The following ZFP82 variants were observed in gnomAD, a reference collection of about 807,000 sequenced individuals.
The protein encoded by ZFP82 is zinc finger protein 82 homolog.
ZFP82 carries 30 observed loss-of-function variants against 54.0 expected under a neutral mutation model. The observed-to-expected ratio is 0.56, with a 90% confidence interval of 0.42 to 0.75. The LOEUF (loss-of-function observed/expected upper bound fraction) is 0.75. ZFP82 is among the 30% of genes least tolerant of loss of function. The pLI, the probability that ZFP82 is intolerant of heterozygous loss-of-function variation, is 0.00. For synonymous variants in ZFP82, 194 were observed against 209.5 expected, an observed-to-expected ratio of 0.93 and a Z score of 0.64; for missense variants, 500 against 636.8, an observed-to-expected ratio of 0.79 and a Z score of 2.31.
downstream of ZFP82, among the ~76,000 whole-genome samples, chr19:36,387,692 A>ACTGCAACCTCCACCTCC (rs1340536437): frequency 6.6e-6 from 1 of 152,192 alleles, no homozygotes; most frequent in Non-Finnish European, 1.5e-5. Flanking sequence ...ATCTCAGCTC[A>ACTGCAACCTCCACCTCC]CTGCAACCTC....
rs778569498 is a variant in ZFP82 at position 36,407,903 on chromosome 19, G to A, written c.120C>T (p.Ser40=). 5 of 1,613,928 alleles carry A rather than the reference G, an allele frequency of 3.1e-6. No individual in the cohort carries two copies. The African/African-American group carries it at 6.7e-5, about 22-fold the overall frequency. ...LYRDVMLENY[S]NLVSLGCFIS... ...TAACCTTACCCAGTGAGACCAAGTT[G>A]CTGTAGTTCTCCAACATGACATCTC... The change falls in exon 3 of 5, where the codon AGC becomes AGT. Residue 40 remains serine (S), a synonymous_variant. Transcript: ENST00000392161.
At chr19:36,418,352 A>T (rs2032708335) in intron 1 of ZFP82, 140 bp downstream of exon 1, 1 of 152,288 alleles carries the variant, frequency 6.6e-6, no homozygotes, top group Non-Finnish European at 1.5e-5. Context: ...ACCTTCGCTC[A>T]TACAATAGTC....
intron 1 of ZFP82, among the ~76,000 whole-genome samples, chr19:36,415,319 G>A (rs778871992): frequency 1.3e-5 from 2 of 152,198 alleles, no homozygotes; most frequent in Non-Finnish European, 2.9e-5. Context: ...GAGTGAAGAT[G>A]ACTGGGTGGT....
intron 3 of ZFP82, 24 bp downstream of exon 3, chr19:36,407,863 A>T (rs750919973): frequency 3.7e-6 from 6 of 1,609,490 alleles, no homozygotes; most frequent in African/African-American, 1.3e-5. Flanking sequence ...CACAGTCTAA[A>T]TTCCTAGAAG....
intron 4 of ZFP82, among the ~76,000 whole-genome samples, chr19:36,404,528 G>A (rs2032447397): frequency 6.6e-6 from 1 of 152,150 alleles, no homozygotes; most frequent in Non-Finnish European, 1.5e-5. Context: ...ACAGATCATG[G>A]ACTTGTGTCC....
chr19:36,418,075 C>T (rs2032703711), intron 1 of ZFP82, among the ~76,000 whole-genome samples: 1 of 152,026 alleles, frequency 6.6e-6, no homozygotes, highest in African/African-American at 2.4e-5. Flanking sequence ...GCCATCACAC[C>T]CGGCTCATTT....
downstream of ZFP82, among the ~76,000 whole-genome samples, chr19:36,386,609 T>C (rs926306457): frequency 3.3e-5 from 5 of 152,182 alleles, no homozygotes; most frequent in East Asian, 1.9e-4. Flanking sequence ...AAGTAGGTCA[T>C]AGAGTTAAGG....
chr19:36,397,372 C>A (rs1052964739), intron 4 of ZFP82, among the ~76,000 whole-genome samples: 3 of 151,856 alleles, frequency 2.0e-5, no homozygotes, highest in Admixed American at 6.6e-5. Context: ...GGATTACAGG[C>A]GTGAGCCACC....
chr19:36,410,011 A>C, intron 1 of ZFP82, 144 bp from the exon 2 acceptor site: 1 of 471,622 alleles, frequency 2.1e-6, no homozygotes, highest in South Asian at 3.4e-5. Context: ...ACATAGGCAG[A>C]GAGAGAGAGA....
rs1231374681 is a variant in ZFP82 at position 36,389,786 on chromosome 19, C to T, written c.*2955G>A. On this transcript the variant is annotated 3_prime_UTR_variant, in exon 5 of 5. Transcript: ENST00000392161. Reference sequence around the variant, plus strand: ...GGGCCTTGATCCTGGATAGGCTGCCCCTCCCAGGGCAAGCTAATGCATAGA... The same window carrying T: ...GGGCCTTGATCCTGGATAGGCTGCCTCTCCCAGGGCAAGCTAATGCATAGA... Among the ~76,000 whole-genome samples, 3 of 152,098 alleles carry T rather than the reference C, an allele frequency of 2.0e-5. No homozygotes were observed.
At chr19:36,387,271 C>A (rs1365439122), downstream of ZFP82, among the ~76,000 whole-genome samples, 1 of 152,130 alleles carries the variant, frequency 6.6e-6, no homozygotes, top group African/African-American at 2.4e-5. Flanking sequence ...GCCAGAGAAG[C>A]CACGCTATAG....
intron 1 of ZFP82, among the ~76,000 whole-genome samples, chr19:36,410,687 G>C (rs2032564438): frequency 6.6e-6 from 1 of 151,848 alleles, no homozygotes; most frequent in Non-Finnish European, 1.5e-5. Context: ...ATTTTTAGTA[G>C]AGACCAGGTT....
At chr19:36,408,974 T>G (rs1032198219) in intron 2 of ZFP82, among the ~76,000 whole-genome samples, 8 of 152,322 alleles carry the variant, frequency 5.3e-5, no homozygotes, top group Middle Eastern at 3.4e-3. Flanking sequence ...CTGGATTACC[T>G]TCTCACATGC....
At chr19:36,413,901 T>A (rs1452877293) in intron 1 of ZFP82, among the ~76,000 whole-genome samples, 3 of 57,812 alleles carry the variant, frequency 5.2e-5, no homozygotes, top group Non-Finnish European at 3.9e-5. Context: ...TCTTCAATAA[T>A]TTTTTTTTTT....
At chr19:36,399,120 T>G (rs1270488086) in intron 4 of ZFP82, among the ~76,000 whole-genome samples, 2 of 152,130 alleles carry the variant, frequency 1.3e-5, no homozygotes, top group South Asian at 4.1e-4. Context: ...ACAATATCCT[T>G]TGAATATACA....
chr19:36,413,064 G>C (rs181536449), intron 1 of ZFP82, among the ~76,000 whole-genome samples: 4 of 152,216 alleles, frequency 2.6e-5, no homozygotes, highest in African/African-American at 4.8e-5. Flanking sequence ...GGAATTTATC[G>C]TTAGGAAATA....
rs2032215214 is a variant in ZFP82, at chr19:36,392,437, C to G, written c.*304G>C. ...TGAAAGTGTGTCAAACTGCTGCACT[C>G]TTATATGACCATGTCATAAATTAAA... On this transcript the variant is annotated 3_prime_UTR_variant, in exon 5 of 5. Transcript: ENST00000392161. 1 of 250,028 alleles carries G rather than the reference C, an allele frequency of 4.0e-6. No individual in the cohort carries two copies. The highest frequency in any genetic ancestry group is 4.9e-5 in the Admixed American group (1 of 20,518). 15.5% of individuals were successfully genotyped at this position (250,028 alleles called of 1,614,324 possible).
downstream of ZFP82, chr19:36,384,034 G>C (rs2032089330): frequency 6.6e-6 from 1 of 152,168 alleles, no homozygotes; most frequent in Non-Finnish European, 1.5e-5. Context: ...AAGGGATTGT[G>C]CACTGGGAGC....
At chr19:36,406,717 TAGG>T (rs1413214008) in intron 3 of ZFP82, among the ~76,000 whole-genome samples, 1 of 152,218 alleles carries the variant, frequency 6.6e-6, no homozygotes, top group East Asian at 1.9e-4. Context: ...AGTAAACATT[TAGG>T]AGAAGAATTA....
Sources: allele counts gnomAD v4.1 joint callset (sites outside exome capture counted in the v4.1 genomes callset), GRCh38; gene constraint gnomAD v4.1.1; transcripts MANE v1.5; gene names NCBI Gene and HGNC (gene_info 2026-07-23, HGNC 2026-07-21).